IQCJ: variants seen among roughly 807,000 people sequenced by gnomAD.
IQCJ encodes IQ motif containing J.
Under a neutral mutation model 11.0 loss-of-function variants are expected in IQCJ, and 9 were observed. The observed-to-expected ratio is 0.82, with a 90% confidence interval of 0.49 to 1.43. The LOEUF is 1.43. Ranked by LOEUF, IQCJ falls within the 40% of genes most tolerant of loss-of-function variation. IQCJ has a pLI of 0.00. For synonymous variants in IQCJ, 55 were observed against 51.3 expected (o/e 1.07, Z -0.31); for missense variants, 146 against 133.2 (o/e 1.10, Z -0.47).
At chr3:159,075,410 C>T (rs1715844804) in intron 1 of IQCJ, among the ~76,000 whole-genome samples, 1 of 152,048 alleles carries the variant, frequency 6.6e-6, no homozygotes, top group Non-Finnish European at 1.5e-5. Flanking sequence ...TTGACTTGTG[C>T]CTAACAAGCT....
intron 1 of IQCJ, among the ~76,000 whole-genome samples, chr3:159,212,993 G>C (rs1725034768): frequency 6.6e-6 from 1 of 152,090 alleles, no homozygotes; most frequent in African/African-American, 2.4e-5. Context: ...GATATTGGGT[G>C]ATTTATTGAG....
intron 1 of IQCJ, among the ~76,000 whole-genome samples, chr3:159,170,010 T>C (rs1403883036): frequency 6.6e-6 from 1 of 152,208 alleles, no homozygotes; most frequent in Non-Finnish European, 1.5e-5. Context: ...GACTCAGTCC[T>C]AGAAGGAAGT....
At chr3:159,191,603 A>G (rs1174529950) in intron 1 of IQCJ, among the ~76,000 whole-genome samples, 1 of 152,204 alleles carries the variant, frequency 6.6e-6, no homozygotes, top group East Asian at 1.9e-4. Context: ...GAGTGAGTTC[A>G]TGCAGAGGGT....
intron 1 of IQCJ, among the ~76,000 whole-genome samples, chr3:159,240,687 C>T (rs1467990400): frequency 2.0e-5 from 3 of 152,170 alleles, no homozygotes; most frequent in Admixed American, 1.3e-4. Context: ...CTGTGGCTCA[C>T]ACCTGTAATC....
rs542445578 is a variant in IQCJ, at chr3:159,144,683, C to T, written c.9+75242C>T. 2.5e-4 allele frequency among the ~76,000 whole-genome samples: 38 copies of T among 149,760 alleles called. No homozygotes were observed. In the East Asian group the frequency reaches 6.4e-3, roughly 25 times the overall value. On this transcript the variant is annotated intron_variant, in intron 1 of 3. Coordinates refer to ENST00000397832, the MANE Select transcript of IQCJ (RefSeq NM_001042706.3). ...ACAGACACACACACACACACACACACACACACAGAGTTCCTGCTGCATTTC... is the reference window on the plus strand; with the variant it reads ...ACAGACACACACACACACACACACATACACACAGAGTTCCTGCTGCATTTC...
chr3:159,139,905 G>A lies in IQCJ; in HGVS notation c.9+70464G>A, dbSNP rs574061037. Among the ~76,000 whole-genome samples the A allele has an allele frequency of 4.6e-5, 7 of 152,274 alleles. No individual in the cohort carries two copies. The South Asian group carries it at 6.2e-4, about 14-fold the overall frequency. On this transcript the variant is annotated intron_variant, in intron 1 of 3. Transcript: ENST00000397832. ...ATTGCTAAATGTTCTACATTTAGCC[G>A]TGGACAGGGCCAGGATCCAAACCCA...
chr3:159,222,781 A>G (rs1393854501), intron 1 of IQCJ, among the ~76,000 whole-genome samples: 1 of 152,108 alleles, frequency 6.6e-6, no homozygotes, highest in Non-Finnish European at 1.5e-5. Context: ...TTCACTATGG[A>G]TATGTAAATC....
intron 1 of IQCJ, among the ~76,000 whole-genome samples, chr3:159,073,397 G>T (rs982054153): frequency 1.1e-4 from 16 of 152,148 alleles, no homozygotes; most frequent in South Asian, 6.2e-4. Context: ...TAGCGGTAAG[G>T]TGAGCTAGGT....
chr3:159,145,602 T>C (rs1720884626), intron 1 of IQCJ, among the ~76,000 whole-genome samples: 1 of 151,870 alleles, frequency 6.6e-6, no homozygotes, highest in Admixed American at 6.6e-5. Flanking sequence ...ATATATTTCT[T>C]GACATCATAG....
chr3:159,088,109 G>A (rs1716936459), intron 1 of IQCJ, among the ~76,000 whole-genome samples: 1 of 152,042 alleles, frequency 6.6e-6, no homozygotes, highest in African/African-American at 2.4e-5. Context: ...AGAGATTCTG[G>A]TATGTTGTGT....
intron 1 of IQCJ, among the ~76,000 whole-genome samples, chr3:159,131,947 TAC>T (rs139886905): frequency 0.34 from 51,357 of 149,734 alleles, 8,806 homozygotes; most frequent in East Asian, 0.51. Flanking sequence ...TTACATTAAG[TAC>T]ACACACACAC....
At chr3:159,091,476 G>C (rs182745132) in intron 1 of IQCJ, among the ~76,000 whole-genome samples, 14 of 151,486 alleles carry the variant, frequency 9.2e-5, no homozygotes, top group Admixed American at 5.3e-4. Context: ...CATTCATAAG[G>C]GCTCCACCTT....
At chr3:159,082,569 G>A (rs1576991086) in intron 1 of IQCJ, among the ~76,000 whole-genome samples, 2 of 152,012 alleles carry the variant, frequency 1.3e-5, no homozygotes, top group South Asian at 2.1e-4. Context: ...GGGAAAAATG[G>A]CATCTGCAAA....
chr3:159,091,078 G>A (rs1660636944), intron 1 of IQCJ, among the ~76,000 whole-genome samples: 1 of 151,404 alleles, frequency 6.6e-6, no homozygotes, highest in Non-Finnish European at 1.5e-5. Context: ...ACCCTAACTT[G>A]AATTTTTCTT....
chr3:159,162,755 T>C (rs1330093098), intron 1 of IQCJ, among the ~76,000 whole-genome samples: 1 of 152,178 alleles, frequency 6.6e-6, no homozygotes, highest in African/African-American at 2.4e-5. Context: ...CCACCGATCC[T>C]ACAGAAATAC....
intron 1 of IQCJ, among the ~76,000 whole-genome samples, chr3:159,202,522 C>T (rs901425862): frequency 6.6e-6 from 1 of 152,186 alleles, no homozygotes; most frequent in Non-Finnish European, 1.5e-5. Flanking sequence ...AGTGGGTTCT[C>T]TCTTGAAGCA....
At chr3:159,212,070 C>T (rs867403017) in intron 1 of IQCJ, among the ~76,000 whole-genome samples, 2 of 151,046 alleles carry the variant, frequency 1.3e-5, no homozygotes, top group Non-Finnish European at 2.9e-5. Context: ...TGATGCAAGC[C>T]CATGGGAGAA....
intron 1 of IQCJ, among the ~76,000 whole-genome samples, chr3:159,242,120 C>G (rs777432189): frequency 2.6e-5 from 4 of 151,998 alleles, no homozygotes; most frequent in African/African-American, 9.7e-5. Flanking sequence ...CTGAAACACC[C>G]CAAGACCAAT....
At chr3:159,176,958 T>A (rs1005759491) in intron 1 of IQCJ, among the ~76,000 whole-genome samples, 1 of 152,196 alleles carries the variant, frequency 6.6e-6, no homozygotes, top group Admixed American at 6.6e-5. Flanking sequence ...TATAAAAAGC[T>A]AATTTCATCT....
Sources: allele counts gnomAD v4.1 joint callset (sites outside exome capture counted in the v4.1 genomes callset), GRCh38; gene constraint gnomAD v4.1.1; transcripts MANE v1.5; gene names NCBI Gene and HGNC (gene_info 2026-07-23, HGNC 2026-07-21).